ZNF449: variants seen among roughly 807,000 people sequenced by gnomAD.
ZNF449 encodes the protein zinc finger and SCAN domain-containing protein 19.
Under a neutral mutation model 32.6 loss-of-function variants are expected in ZNF449, and 4 were observed. The observed-to-expected ratio is 0.12, with a 90% CI of 0.06 to 0.28. The LOEUF is 0.28. Among genes scored for constraint, ZNF449 ranks in the 10% least tolerant of loss-of-function variants. ZNF449 has a pLI of 1.00. For missense variants in ZNF449, 275 were observed against 383.2 expected (o/e 0.72, Z 2.36); for synonymous variants, 123 against 132.2 (o/e 0.93, Z 0.48).
In ZNF449 at chrX:135,345,003, C is replaced by A. The variant is rs921805020; in HGVS notation, c.-101+168C>A. Among the ~76,000 whole-genome samples the A allele has an allele frequency of 2.9e-4, 33 of 112,873 alleles. 2 individuals carry two copies. The highest frequency in any genetic ancestry group is 1.9e-5 in the Non-Finnish European group (1 of 53,195). On this transcript the variant is annotated intron_variant, in intron 1 of 4. Transcript: ENST00000339249. Reference sequence around the variant, plus strand: ...CGGTGGGCCCCTATCCGGCCAGGGTCCCCGCCACCACTCCCTGCGACCCGA... The same window carrying A: ...CGGTGGGCCCCTATCCGGCCAGGGTACCCGCCACCACTCCCTGCGACCCGA...
intron 3 of ZNF449, among the ~76,000 whole-genome samples, chrX:135,358,050 C>A (rs992335313): frequency 9.0e-5 from 10 of 111,053 alleles, no homozygotes; most frequent in Admixed American, 4.8e-4. Flanking sequence ...GTTCTTCTAT[C>A]CCTCTTTTAC....
Position 135,347,117 on chromosome X carries a change from C to T in ZNF449, c.-2C>T, listed in dbSNP as rs782752513. 19 of 1,189,212 alleles carry T rather than the reference C, an allele frequency of 1.6e-5. No homozygotes were observed. The highest frequency in any genetic ancestry group is 2.3e-5 in the Admixed American group (1 of 43,602). On this transcript the variant is annotated 5_prime_UTR_variant, in exon 2 of 5. Coordinates refer to ENST00000339249, the MANE Select transcript of ZNF449 (RefSeq NM_152695.6). The stretch of plus-strand genomic sequence containing the variant: ...TAAACTGTAAACTGCTGGAAGGGGG[C>T]GATGGCTGTGGCCCTGGGTTGTGCA...
chrX:135,358,990 C>T (rs1187573536), intron 3 of ZNF449, among the ~76,000 whole-genome samples: 3 of 111,891 alleles, frequency 2.7e-5, no homozygotes, highest in African/African-American at 9.7e-5. Context: ...TTTTAGCCCA[C>T]TTCCTCTGCC....
intron 3 of ZNF449, among the ~76,000 whole-genome samples, chrX:135,354,771 A>G (rs2084907720): frequency 9.0e-6 from 1 of 111,368 alleles, no homozygotes; most frequent in South Asian, 3.8e-4. Flanking sequence ...GAGGGCCAAT[A>G]TGGGAAGCCC....
chrX:135,352,924 C>A (rs2084896266), intron 3 of ZNF449, among the ~76,000 whole-genome samples: 1 of 111,884 alleles, frequency 8.9e-6, no homozygotes, highest in Admixed American at 9.5e-5. Flanking sequence ...TTGCTTTTCC[C>A]TCTTTGCATG....
Position 135,349,263 on chromosome X carries a change from C to T in ZNF449, c.508C>T (p.Pro170Ser). 8.3e-7 allele frequency: 1 copy of T among 1,211,794 alleles called. No individual in the cohort carries two copies. Among genetic ancestry groups the T allele is most frequent in the African/African-American group, 1.7e-5 (1 of 57,764 alleles). ...AEAWIPQAGPPELNYGATGEC... is the reference protein window; with the variant it reads ...AEAWIPQAGPSELNYGATGEC... ...GGCATGGATCCCACAGGCAGGGCCA[C>T]CGGAGCTGAACTATGGTGCTACTGG... Residue 170 changes from proline (P) to serine (S), a missense_variant, in exon 3 of 5, where the codon CCG (proline) becomes TCG (serine). Coordinates refer to ENST00000339249, the MANE Select transcript of ZNF449 (RefSeq NM_152695.6).
At chrX:135,349,512 T>C (rs886162410) in intron 3 of ZNF449, among the ~76,000 whole-genome samples, 198 bp downstream of exon 3, 6 of 111,642 alleles carry the variant, frequency 5.4e-5, no homozygotes, top group African/African-American at 1.6e-4. Context: ...CCCTTTAAGC[T>C]AATGACCCTG....
intron 3 of ZNF449, among the ~76,000 whole-genome samples, chrX:135,354,275 G>C (rs1043307678): frequency 8.9e-6 from 1 of 112,037 alleles, no homozygotes; most frequent in East Asian, 2.8e-4. Context: ...CGCTATGTTG[G>C]CCAACAGAGT....
rs1556453321 is a variant in ZNF449, at chrX:135,360,456, C to T, written c.937C>T (p.His313Tyr). 4 of 1,211,493 alleles carry T rather than the reference C, an allele frequency of 3.3e-6. No individual in the cohort carries two copies. The Admixed American group carries it at 8.7e-5, about 26-fold the overall frequency. Residue 313 changes from histidine to tyrosine, a missense_variant, in exon 5 of 5, where the codon CAC becomes TAC. By Grantham distance (83) the His-to-Tyr change is moderately conservative. Around this residue, in one of 3 missense-constraint regions of ZNF449, gnomAD observed 165 missense variants for 175.0 expected, o/e 0.94. Coordinates refer to ENST00000339249, the MANE Select transcript of ZNF449 (RefSeq NM_152695.6). ...GGAAGAACCTCTCAACCCTAAACCCCACAAGAAAAAGAGTCCAGGAGAGAA... is the reference window on the plus strand; with the variant it reads ...GGAAGAACCTCTCAACCCTAAACCCTACAAGAAAAAGAGTCCAGGAGAGAA... ...NLEEPLNPKP[H>Y]KKKSPGEKPH...
At chrX:135,345,072 A>T (rs1450303114) in intron 1 of ZNF449, among the ~76,000 whole-genome samples, 1 of 113,061 alleles carries the variant, frequency 8.8e-6, no homozygotes, top group Non-Finnish European at 1.9e-5. Context: ...GCTCCCCTCC[A>T]GGCGTCGGGG....
intron 3 of ZNF449, among the ~76,000 whole-genome samples, chrX:135,356,290 T>A (rs2084917332): frequency 8.9e-6 from 1 of 111,840 alleles, no homozygotes; most frequent in Non-Finnish European, 1.9e-5. Flanking sequence ...ACCAGCAGTG[T>A]ACAAGCACTC....
chrX:135,355,561 C>T (rs1340327555), intron 3 of ZNF449, among the ~76,000 whole-genome samples: 1 of 110,826 alleles, frequency 9.0e-6, no homozygotes, highest in Non-Finnish European at 1.9e-5. Context: ...AAGTATTTTA[C>T]ACCACTTCCT....
chrX:135,362,966 G>C lies in ZNF449; in HGVS notation c.*1890G>C, dbSNP rs1037481103. The C allele has an allele frequency of 8.9e-6, 1 of 111,805 alleles. No homozygotes were observed. Among genetic ancestry groups the C allele is most frequent in the Non-Finnish European group, 1.9e-5 (1 of 53,136 alleles). 9.2% of individuals were successfully genotyped at this position (111,805 alleles called of 1,213,427 possible). The stretch of plus-strand genomic sequence containing the variant: ...GTCTGGGGCTCAAATTGATATCCCA[G>C]TAGCAATAAACATATAATATAGGAG... On this transcript the variant is annotated 3_prime_UTR_variant, in exon 5 of 5. Transcript: ENST00000339249.
In ZNF449 at chrX:135,362,815, A is replaced by G. The variant is rs782139865; in HGVS notation, c.*1739A>G. 3.6e-5 allele frequency: 4 copies of G among 111,999 alleles called. No individual in the cohort carries two copies. The highest frequency in any genetic ancestry group is 7.5e-5 in the Non-Finnish European group (4 of 53,155). 9.2% of individuals were successfully genotyped at this position (111,999 alleles called of 1,213,427 possible). A position where few individuals can be genotyped will look rare whatever the true frequency, so the allele number is the denominator to read the frequency against. On this transcript the variant is annotated 3_prime_UTR_variant, in exon 5 of 5. Transcript: ENST00000339249. Reference sequence around the variant, plus strand: ...ATTTTATAATATTTTTAGTTAAACAAGAGTTGGGAAACAGGTGGAGAATAA... The same window carrying G: ...ATTTTATAATATTTTTAGTTAAACAGGAGTTGGGAAACAGGTGGAGAATAA...
At chrX:135,358,221 T>C (rs1351781632) in intron 3 of ZNF449, among the ~76,000 whole-genome samples, 1 of 111,541 alleles carries the variant, frequency 9.0e-6, no homozygotes, top group Non-Finnish European at 1.9e-5. Context: ...GATATAGAAA[T>C]GTTTCTCCTA....
chrX:135,349,134 G>A lies in ZNF449; in HGVS notation c.379G>A (p.Glu127Lys). 8.3e-7 allele frequency: 1 copy of A among 1,211,536 alleles called. No individual in the cohort carries two copies. Among genetic ancestry groups the A allele is most frequent in the East Asian group, 3.0e-5 (1 of 33,832 alleles). Residue 127 changes from glutamate to lysine, a missense_variant, in exon 3 of 5, where the codon GAA becomes AAA. By Grantham distance (56) the Glu-to-Lys change is moderately conservative. This residue lies in a region of ZNF449 where 165 missense variants were observed against 175.0 expected (regional missense o/e 0.94). Coordinates refer to ENST00000339249, the MANE Select transcript of ZNF449 (RefSeq NM_152695.6). ...GGTTGATATGCATGACATGCTCTTG[G>A]AAGAACTGGCACCAGTGGGAACGGC... ...QQVDMHDMLL[E>K]ELAPVGTAHI...
At position 135,361,246 on chromosome X, in the gene ZNF449, GTATT is replaced by G; in HGVS notation, c.*174_*177del. ...TCTTCCAAGGTATATGAATTCTAGA[GTATT>G]TATCTACTCCTGTGATTTTCTTAGA... On this transcript the variant is annotated 3_prime_UTR_variant, in exon 5 of 5. Transcript: ENST00000339249. 1 of 345,551 alleles carries G rather than the reference GTATT, an allele frequency of 2.9e-6. No homozygotes were observed. Among genetic ancestry groups the G allele is most frequent in the Non-Finnish European group, 4.9e-6 (1 of 203,009 alleles). 28.5% of individuals were successfully genotyped at this position (345,551 alleles called of 1,213,427 possible). A position where few individuals can be genotyped will look rare whatever the true frequency, so the allele number is the denominator to read the frequency against.
In ZNF449 at chrX:135,347,351, T is replaced by A; in HGVS notation, c.233T>A (p.Phe78Tyr). 8.3e-7 allele frequency: 1 copy of A among 1,211,841 alleles called. No homozygotes were observed. Among genetic ancestry groups the A allele is most frequent in the Non-Finnish European group, 1.1e-6 (1 of 895,551 alleles). Residue 78 changes from phenylalanine (F) to tyrosine (Y), a missense_variant, in exon 2 of 5, where the codon TTC becomes TAC. Physicochemically the swap from Phe to Tyr is conservative, Grantham distance 22. Around this residue, in one of 3 missense-constraint regions of ZNF449, gnomAD observed 30 missense variants for 61.6 expected, o/e 0.49. Coordinates refer to ENST00000339249, the MANE Select transcript of ZNF449 (RefSeq NM_152695.6). ...CTGGAGCTGCTAGTGTTGGAGCAATTCCTAACTATCCTGCCCACAGAGATA... is the reference window on the plus strand; with the variant it reads ...CTGGAGCTGCTAGTGTTGGAGCAATACCTAACTATCCTGCCCACAGAGATA... ...QILELLVLEQFLTILPTEIET... is the reference protein window; with the variant it reads ...QILELLVLEQYLTILPTEIET...
chrX:135,344,991 T>C (rs1180516178), intron 1 of ZNF449, among the ~76,000 whole-genome samples, 156 bp downstream of exon 1: 1 of 112,452 alleles, frequency 8.9e-6, no homozygotes, highest in Non-Finnish European at 1.9e-5. Context: ...TGGGCCCCTA[T>C]CCGGCCAGGG....
Sources: gnomAD v4.1 joint callset for allele counts (sites outside exome capture counted in the v4.1 genomes callset) on GRCh38, gnomAD v4.1.1 for gene constraint, gnomAD v4.1.1 regional missense constraint, MANE v1.5 for transcripts, NCBI Gene and HGNC (gene_info 2026-07-23, HGNC 2026-07-21) for gene names.